DNAH6: variants seen among roughly 807,000 people sequenced by gnomAD.
The protein encoded by DNAH6 is dynein axonemal heavy chain 6.
In DNAH6, 340 loss-of-function variants were observed where a neutral mutation model predicts 491.4. The observed-to-expected ratio is 0.69, with a 90% CI of 0.63 to 0.76. The LOEUF (loss-of-function observed/expected upper bound fraction) is 0.76. DNAH6 is among the 30% of genes least tolerant of loss of function. The pLI is 0.00. For missense variants in DNAH6, 4,443 were observed against 4,972.2 expected (o/e 0.89, Z 3.20); for synonymous variants, 1,603 against 1,686.1 (o/e 0.95, Z 1.21).
chr2:84,628,795 TA>T (rs966411977), intron 29 of DNAH6, among the ~76,000 whole-genome samples: 1 of 151,194 alleles, frequency 6.6e-6, no homozygotes, highest in East Asian at 1.9e-4. Context: ...TCTCCCATTT[TA>T]AAAAAAAATA....
chr2:84,617,135 G>T (rs746842148), intron 23 of DNAH6, among the ~76,000 whole-genome samples, 153 bp downstream of exon 23: 9 of 152,026 alleles, frequency 5.9e-5, no homozygotes, highest in Non-Finnish European at 1.3e-4. Flanking sequence ...CGTAATTGAG[G>T]AGTATAAGTC....
At chr2:84,632,113 C>A (rs1688457858) in intron 29 of DNAH6, among the ~76,000 whole-genome samples, 1 of 152,204 alleles carries the variant, frequency 6.6e-6, no homozygotes, top group African/African-American at 2.4e-5. Context: ...TTGGAGATCA[C>A]CTGACTTGAA....
chr2:84,700,660 T>C (rs1450230043), intron 48 of DNAH6, among the ~76,000 whole-genome samples: 3 of 152,210 alleles, frequency 2.0e-5, no homozygotes, highest in Non-Finnish European at 2.9e-5. Context: ...ATTTGACCAA[T>C]GTTCAAGTGA....
chr2:84,548,596 A>G (rs1320824151), intron 8 of DNAH6, among the ~76,000 whole-genome samples, 179 bp downstream of exon 8: 3 of 152,236 alleles, frequency 2.0e-5, no homozygotes, highest in Non-Finnish European at 4.4e-5. Flanking sequence ...TAAAATGAAA[A>G]GTAGAATCTT....
intron 22 of DNAH6, among the ~76,000 whole-genome samples, chr2:84,616,210 G>T (rs1332941470): frequency 6.6e-6 from 1 of 152,028 alleles, no homozygotes; most frequent in African/African-American, 2.4e-5. Flanking sequence ...ATTTGTTCTA[G>T]GGTATAGTTT....
At chr2:84,679,717 G>A (rs1372689217) in intron 41 of DNAH6, among the ~76,000 whole-genome samples, 2 of 152,174 alleles carry the variant, frequency 1.3e-5, no homozygotes, top group Admixed American at 6.5e-5. Context: ...TAATTTTAAT[G>A]TATGGATACC....
chr2:84,668,932 G>T (rs1159783637), intron 37 of DNAH6, among the ~76,000 whole-genome samples: 3 of 151,770 alleles, frequency 2.0e-5, no homozygotes, highest in African/African-American at 7.3e-5. Context: ...CCCTCAGGGG[G>T]ATTACCAGGT....
intron 72 of DNAH6, among the ~76,000 whole-genome samples, chr2:84,808,960 C>T (rs1679704114): frequency 6.6e-6 from 1 of 152,252 alleles, no homozygotes; most frequent in East Asian, 1.9e-4. Flanking sequence ...ATTAGAGTCC[C>T]CTGTGGTGTG....
At chr2:84,617,529 C>T (rs1227582661) in intron 23 of DNAH6, among the ~76,000 whole-genome samples, 1 of 151,946 alleles carries the variant, frequency 6.6e-6, no homozygotes, top group African/African-American at 2.4e-5. Flanking sequence ...ATATCCCCAC[C>T]TCCCCAGCCC....
rs3029846 is a variant in DNAH6, at chr2:84,602,482, C to CTTTTTTT, written c.2869-1837_2869-1831dup. On this transcript the variant is annotated intron_variant, in intron 18 of 76. Transcript: ENST00000389394. ...TCATTGTTCTATAGATGTTGTGTCCCTTTTTTTTTTTTTTTTTTTTTTTTT... is the reference window on the plus strand; with the variant it reads ...TCATTGTTCTATAGATGTTGTGTCCCTTTTTTTTTTTTTTTTTTTTTTTTTTTTTTTT... Among the ~76,000 whole-genome samples, 28 of 32,026 alleles carry CTTTTTTT rather than the reference C, an allele frequency of 8.7e-4. 2 individuals are homozygous for CTTTTTTT. Among genetic ancestry groups the CTTTTTTT allele is most frequent in the African/African-American group, 3.6e-3 (26 of 7,160 alleles). 21.0% of individuals were successfully genotyped at this position (32,026 alleles called of 152,430 possible).
chr2:84,652,177 G>A (rs1023395618), intron 33 of DNAH6, among the ~76,000 whole-genome samples: 1 of 151,946 alleles, frequency 6.6e-6, no homozygotes, highest in African/African-American at 2.4e-5. Flanking sequence ...AGGTCATAGG[G>A]TTTGCACATT....
chr2:84,601,014 T>TTATAATAATGTTATTATTATAC (rs1685164969), intron 18 of DNAH6, among the ~76,000 whole-genome samples: 4 of 133,436 alleles, frequency 3.0e-5, no homozygotes, highest in African/African-American at 1.1e-4. Context: ...TATAATAATA[T>TTATAATAATGTTATTATTATAC]TATAATAATA....
chr2:84,783,254 G>A (rs537509061), intron 65 of DNAH6, among the ~76,000 whole-genome samples: 1 of 152,288 alleles, frequency 6.6e-6, no homozygotes, highest in Admixed American at 6.5e-5. Flanking sequence ...AGTTTCCCCA[G>A]CTATAAAATG....
intron 70 of DNAH6, among the ~76,000 whole-genome samples, chr2:84,802,256 A>G (rs1388123239): frequency 6.6e-6 from 1 of 152,248 alleles, no homozygotes; most frequent in Non-Finnish European, 1.5e-5. Context: ...CTTAAAAGAT[A>G]TAGAATGGCA....
chr2:84,506,519 G>A, the DNAH6 span, among the ~76,000 whole-genome samples: 1 of 152,126 alleles, frequency 6.6e-6, no homozygotes, highest in Admixed American at 6.5e-5. Context: ...TCTGTAGGTT[G>A]CCTGTTCACT....
chr2:84,795,190 A>G (rs1173168939), intron 68 of DNAH6, among the ~76,000 whole-genome samples: 1 of 123,906 alleles, frequency 8.1e-6, no homozygotes, highest in Non-Finnish European at 1.7e-5. Flanking sequence ...GGGGGGAGGG[A>G]TAGCATTAGG....
In DNAH6 at chr2:84,718,307, A is replaced by C; in HGVS notation, c.9715A>C (p.Ile3239Leu). 6.4e-7 allele frequency: 1 copy of C among 1,551,534 alleles called. No homozygotes were observed. Among genetic ancestry groups the C allele is most frequent in the Non-Finnish European group, 8.7e-7 (1 of 1,146,904 alleles). The change falls in exon 59 of 77, where the codon ATC becomes CTC. Residue 3239 changes from isoleucine (I) to leucine (L), a missense_variant. Around this residue, in one of 3 missense-constraint regions of DNAH6, gnomAD observed 1,463 missense variants for 1,656.6 expected, o/e 0.88. Coordinates refer to ENST00000389394, the MANE Select transcript of DNAH6 (RefSeq NM_001370.2). ...KNQLKTIEEKILRMLFTSEGN... is the reference protein window; with the variant it reads ...KNQLKTIEEKLLRMLFTSEGN... ...CCAGTTGAAAACTATCGAAGAGAAAATCCTGAGAATGCTCTTTACCTCTGA... is the reference window on the plus strand; with the variant it reads ...CCAGTTGAAAACTATCGAAGAGAAACTCCTGAGAATGCTCTTTACCTCTGA...
chr2:84,672,952 A>G (rs1692877315), intron 40 of DNAH6, among the ~76,000 whole-genome samples: 1 of 152,142 alleles, frequency 6.6e-6, no homozygotes, highest in Non-Finnish European at 1.5e-5. Context: ...GTCTATATTG[A>G]GTTTTTGCCA....
At chr2:84,796,128 T>C (rs902634297) in intron 68 of DNAH6, among the ~76,000 whole-genome samples, 178 bp from the exon 69 acceptor site, 5 of 152,206 alleles carry the variant, frequency 3.3e-5, no homozygotes, top group African/African-American at 1.2e-4. Flanking sequence ...TTTTTCTACT[T>C]TTCAAAAATT....
Sources: gnomAD v4.1 joint callset for allele counts (sites outside exome capture counted in the v4.1 genomes callset) on GRCh38, gnomAD v4.1.1 for gene constraint, gnomAD v4.1.1 regional missense constraint, MANE v1.5 for transcripts, NCBI Gene and HGNC (gene_info 2026-07-23, HGNC 2026-07-21) for gene names.